Variants in DIAPH3 observed in about 807,000 individuals in gnomAD.
The protein encoded by DIAPH3 is diaphanous related formin 3, also known as protein diaphanous homolog 3.
DIAPH3 carries 117 observed loss-of-function variants against 144.3 expected under a neutral mutation model. The observed-to-expected ratio is 0.81, with a 90% CI of 0.70 to 0.95. The LOEUF is 0.95. DIAPH3 is among the 40% of genes least tolerant of loss of function. The pLI is 0.00. For missense variants in DIAPH3, 1,421 were observed against 1,412.7 expected, an observed-to-expected ratio of 1.01 and a Z score of -0.09; for synonymous variants, 519 against 488.9, an observed-to-expected ratio of 1.06 and a Z score of -0.81.
intron 1 of DIAPH3, among the ~76,000 whole-genome samples, chr13:60,137,779 G>C (rs181136002): frequency 7.0e-6 from 1 of 142,356 alleles, no homozygotes; most frequent in African/African-American, 2.7e-5. Context: ...AGTCTTGCTC[G>C]GTCACCCAGG....
chr13:59,683,874 T>G (rs2033075031), intron 27 of DIAPH3, among the ~76,000 whole-genome samples: 2 of 152,316 alleles, frequency 1.3e-5, no homozygotes, highest in Admixed American at 1.3e-4. Context: ...TTTTCCATTC[T>G]CTTCACAGTC....
intron 2 of DIAPH3, among the ~76,000 whole-genome samples, chr13:60,123,655 C>G (rs1218053713): frequency 2.6e-5 from 4 of 152,186 alleles, no homozygotes; most frequent in Non-Finnish European, 5.9e-5. Flanking sequence ...ATTTTACATT[C>G]AGTCGCCCCA....
intron 27 of DIAPH3, among the ~76,000 whole-genome samples, chr13:59,689,601 G>A (rs1359803459): frequency 1.3e-5 from 2 of 151,974 alleles, no homozygotes; most frequent in African/African-American, 4.8e-5. Flanking sequence ...AGTAAGAAAC[G>A]AGAAGACTGC....
At chr13:60,002,444 T>C (rs1200793376) in intron 9 of DIAPH3, among the ~76,000 whole-genome samples, 1 of 152,218 alleles carries the variant, frequency 6.6e-6, no homozygotes, top group Non-Finnish European at 1.5e-5. Context: ...CATTACACTA[T>C]GAGTGTCACA....
intron 18 of DIAPH3, among the ~76,000 whole-genome samples, chr13:59,917,630 C>T (rs1408160762): frequency 6.6e-6 from 1 of 151,912 alleles, no homozygotes; most frequent in Non-Finnish European, 1.5e-5. Flanking sequence ...GTGGCTCACG[C>T]CTGTAATCCC....
At chr13:59,935,550 C>T (rs2048222460) in intron 17 of DIAPH3, among the ~76,000 whole-genome samples, 1 of 152,022 alleles carries the variant, frequency 6.6e-6, no homozygotes, top group African/African-American at 2.4e-5. Context: ...ATACAGAATA[C>T]ATAGGAAAAA....
At chr13:59,850,226 C>T (rs1408993248) in intron 22 of DIAPH3, among the ~76,000 whole-genome samples, 3 of 151,854 alleles carry the variant, frequency 2.0e-5, no homozygotes, top group East Asian at 1.9e-4. Flanking sequence ...TGGGCTGAGA[C>T]GATGGGGTTT....
At chr13:59,785,823 A>G (rs953376704) in intron 25 of DIAPH3, among the ~76,000 whole-genome samples, 27 of 152,172 alleles carry the variant, frequency 1.8e-4, no homozygotes, top group African/African-American at 6.3e-4. Flanking sequence ...TGGTATTTCT[A>G]GACATAAAAG....
chr13:59,856,674 T>A (rs1343386758), intron 22 of DIAPH3, among the ~76,000 whole-genome samples: 2 of 152,152 alleles, frequency 1.3e-5, no homozygotes, highest in Admixed American at 6.5e-5. Flanking sequence ...AGGCCCTATC[T>A]CCAAACATAG....
intron 27 of DIAPH3, among the ~76,000 whole-genome samples, chr13:59,754,872 C>T (rs2037179126): frequency 6.6e-6 from 1 of 152,194 alleles, no homozygotes; most frequent in East Asian, 1.9e-4. Flanking sequence ...GGATTTTAAG[C>T]CTCACAAAGA....
intron 5 of DIAPH3, among the ~76,000 whole-genome samples, chr13:60,034,028 C>T (rs142133100): frequency 2.2e-4 from 34 of 152,128 alleles, no homozygotes; most frequent in East Asian, 1.4e-3. Flanking sequence ...TTTACTTAAC[C>T]GACTTGGCAA....
At chr13:59,725,406 G>A (rs372133426) in intron 27 of DIAPH3, among the ~76,000 whole-genome samples, 20 of 152,254 alleles carry the variant, frequency 1.3e-4, no homozygotes, top group African/African-American at 3.9e-4. Flanking sequence ...TGAATTAACC[G>A]CTTGTCAACT....
chr13:59,939,370 G>A (rs747192251), intron 17 of DIAPH3, among the ~76,000 whole-genome samples: 9 of 152,026 alleles, frequency 5.9e-5, no homozygotes, highest in Non-Finnish European at 1.2e-4. Flanking sequence ...GAACCTAATC[G>A]CATTTCTATT....
intron 19 of DIAPH3, among the ~76,000 whole-genome samples, chr13:59,912,252 T>C (rs1366266014): frequency 6.6e-6 from 1 of 152,158 alleles, no homozygotes; most frequent in African/African-American, 2.4e-5. Flanking sequence ...GAAATCATCA[T>C]ATTGCTACAA....
At chr13:60,025,369 C>A (rs2054304216) in intron 5 of DIAPH3, among the ~76,000 whole-genome samples, 1 of 126,138 alleles carries the variant, frequency 7.9e-6, no homozygotes, top group Non-Finnish European at 1.6e-5. Flanking sequence ...ATATTTGTTT[C>A]ACATATAATG....
intron 22 of DIAPH3, among the ~76,000 whole-genome samples, chr13:59,857,663 A>G (rs969272057): frequency 3.9e-5 from 6 of 152,192 alleles, no homozygotes; most frequent in African/African-American, 1.2e-4. Context: ...TTCCTAAAGT[A>G]TAAGAATTCC....
chr13:60,131,264 C>T (rs2138221737), intron 2 of DIAPH3, among the ~76,000 whole-genome samples: 1 of 150,924 alleles, frequency 6.6e-6, no homozygotes, highest in South Asian at 2.1e-4. Context: ...TCTTGTCTCT[C>T]CAAAAAATTA....
chr13:60,093,119 C>G (rs1359117089), intron 4 of DIAPH3, among the ~76,000 whole-genome samples: 1 of 152,182 alleles, frequency 6.6e-6, no homozygotes. Flanking sequence ...TACTTCCACC[C>G]ACATATTTCA....
At chr13:59,845,464 G>A (rs2042579970) in intron 22 of DIAPH3, among the ~76,000 whole-genome samples, 2 of 152,112 alleles carry the variant, frequency 1.3e-5, no homozygotes, top group South Asian at 4.1e-4. Context: ...CAGTAAAGCT[G>A]CCCCTTTCCT....
Sources: allele counts gnomAD v4.1 joint callset (sites outside exome capture counted in the v4.1 genomes callset), GRCh38; gene constraint gnomAD v4.1.1; transcripts MANE v1.5; gene names NCBI Gene and HGNC (gene_info 2026-07-23, HGNC 2026-07-21).